Variants in REPS2 observed in about 807,000 individuals in gnomAD.
The protein encoded by REPS2 is RALBP1 associated Eps domain containing 2, also known as ralBP1-associated Eps domain-containing protein 2.
REPS2 carries 23 observed loss-of-function variants against 53.6 expected under a neutral mutation model. The ratio of observed to expected loss-of-function variants is 0.43; its 90% confidence interval spans 0.31 to 0.61. The LOEUF (loss-of-function observed/expected upper bound fraction) is 0.61, where lower values mean the gene tolerates loss of function less well. Among genes scored for constraint, REPS2 ranks in the 20% least tolerant of loss-of-function variants. The pLI is 0.11. For missense variants in REPS2, 446 were observed against 534.9 expected, an observed-to-expected ratio of 0.83 and a Z score of 1.64; for synonymous variants, 238 against 218.6, an observed-to-expected ratio of 1.09 and a Z score of -0.78.
chrX:17,017,699 T>C (rs1364095263), intron 2 of REPS2, among the ~76,000 whole-genome samples: 1 of 112,044 alleles, frequency 8.9e-6, no homozygotes, highest in Non-Finnish European at 1.9e-5. Context: ...ATTGTAATAA[T>C]AATAAAATAC....
intron 1 of REPS2, among the ~76,000 whole-genome samples, chrX:16,970,495 G>T (rs1242979736): frequency 3.6e-5 from 4 of 112,072 alleles, no homozygotes; most frequent in Non-Finnish European, 5.6e-5. Flanking sequence ...ACTGTGCCTG[G>T]CCTGTTTTCC....
At position 17,147,517 on chromosome X, in the gene REPS2, T is replaced by C. The variant is rs373350567; in HGVS notation, c.*36T>C. ...GTTCAAGTGACAGTGGGTGACCTTG[T>C]CTGCCAAGATCTTTCTTTTGAATGT... is the stretch of plus-strand genomic sequence containing the variant. On this transcript the variant is annotated 3_prime_UTR_variant, in exon 18 of 18. Transcript: ENST00000357277. The C allele has an allele frequency of 7.6e-5, 79 of 1,038,128 alleles. No homozygotes were observed. The African/African-American group carries it at 1.3e-3, about 17-fold the overall frequency. The allele number at this position is 1,038,128 out of a possible 1,213,427, so 85.6% of individuals were successfully genotyped here.
At chrX:16,994,655 G>A (rs2061208258) in intron 1 of REPS2, among the ~76,000 whole-genome samples, 1 of 111,177 alleles carries the variant, frequency 9.0e-6, no homozygotes, top group Non-Finnish European at 1.9e-5. Flanking sequence ...GGACTTTGGG[G>A]CCTCAGAGGG....
chrX:17,140,329 A>T (rs979833686), intron 17 of REPS2, among the ~76,000 whole-genome samples: 12 of 110,109 alleles, frequency 1.1e-4, no homozygotes, highest in Non-Finnish European at 2.1e-4. Context: ...TTGACATACC[A>T]TACTCTCCTG....
chrX:17,042,323 A>G (rs2061841297), intron 5 of REPS2, among the ~76,000 whole-genome samples: 3 of 111,590 alleles, frequency 2.7e-5, no homozygotes, highest in African/African-American at 9.8e-5. Flanking sequence ...CTACTTGGAA[A>G]GCTAAGGCTC....
the REPS2 span, among the ~76,000 whole-genome samples, chrX:17,173,357 G>A: frequency 4.5e-4 from 51 of 112,094 alleles, no homozygotes; most frequent in African/African-American, 1.5e-3. Flanking sequence ...GCTTCTTCCC[G>A]GCTGTTGAAT....
intron 1 of REPS2, among the ~76,000 whole-genome samples, chrX:16,959,177 C>G (rs891774104): frequency 8.9e-6 from 1 of 112,736 alleles, no homozygotes; most frequent in African/African-American, 3.2e-5. Context: ...CAGCTCACTG[C>G]AGCCTCTACT....
chrX:17,178,584 CTT>C, the REPS2 span, among the ~76,000 whole-genome samples: 1 of 111,953 alleles, frequency 8.9e-6, no homozygotes, highest in Non-Finnish European at 1.9e-5. Flanking sequence ...TTGTCTTTAA[CTT>C]TGCTACGCTA....
chrX:17,012,627 G>A (rs2061443937), intron 2 of REPS2, among the ~76,000 whole-genome samples: 1 of 110,515 alleles, frequency 9.0e-6, no homozygotes, highest in Non-Finnish European at 1.9e-5. Context: ...CTCTGATGGT[G>A]CAATGACATG....
At chrX:17,017,119 A>C (rs1309274694) in intron 2 of REPS2, among the ~76,000 whole-genome samples, 1 of 111,152 alleles carries the variant, frequency 9.0e-6, no homozygotes, top group African/African-American at 3.3e-5. Context: ...CTATAGGTGT[A>C]CACCACCATG....
At chrX:16,983,565 C>T (rs895434904) in intron 1 of REPS2, among the ~76,000 whole-genome samples, 11 of 112,231 alleles carry the variant, frequency 9.8e-5, no homozygotes, top group African/African-American at 1.9e-4. Flanking sequence ...TGCAGTGGTG[C>T]GATCTTGTCT....
the REPS2 span, among the ~76,000 whole-genome samples, chrX:17,182,557 G>A: frequency 8.9e-6 from 1 of 112,050 alleles, no homozygotes. Context: ...CAGTGAGCAT[G>A]ACAGCCAGTC....
chrX:17,011,057 CTGTGTGTGTGTGTGTGTG>C (rs60541913), intron 2 of REPS2, among the ~76,000 whole-genome samples: 14 of 102,551 alleles, frequency 1.4e-4, no homozygotes, highest in Admixed American at 3.2e-4. Flanking sequence ...TTTGCTTAAA[CTGTGTGTGTGTGTGTGTG>C]TGTGTGTGTG....
intron 13 of REPS2, among the ~76,000 whole-genome samples, chrX:17,092,573 A>C (rs2062631581): frequency 9.1e-6 from 1 of 110,031 alleles, no homozygotes; most frequent in South Asian, 4.0e-4. Flanking sequence ...GCTGATACCT[A>C]GTATCCCACT....
intron 1 of REPS2, among the ~76,000 whole-genome samples, chrX:16,985,633 T>G (rs1177462961): frequency 8.9e-6 from 1 of 112,273 alleles, no homozygotes; most frequent in Non-Finnish European, 1.9e-5. Context: ...CAGAGCAATG[T>G]GAAAGAGATA....
At chrX:17,194,297 A>G in the REPS2 span, among the ~76,000 whole-genome samples, 1 of 111,554 alleles carries the variant, frequency 9.0e-6, no homozygotes, top group Non-Finnish European at 1.9e-5. Flanking sequence ...CTCAATATAT[A>G]TTACTGATCT....
intron 14 of REPS2, among the ~76,000 whole-genome samples, chrX:17,124,799 T>TA (rs1274797792): frequency 2.5e-4 from 24 of 95,842 alleles, no homozygotes; most frequent in East Asian, 9.7e-4. Flanking sequence ...ATTGCAAACC[T>TA]AAAAAAAAAA....
chrX:17,046,455 C>T (rs760661619), intron 5 of REPS2, among the ~76,000 whole-genome samples: 1 of 111,870 alleles, frequency 8.9e-6, no homozygotes, highest in African/African-American at 3.2e-5. Context: ...GGATTACTTG[C>T]GTGAGCCACT....
chrX:16,965,694 T>C lies in REPS2; in HGVS notation c.273+18560T>C, dbSNP rs867131830. On this transcript the variant is annotated intron_variant, in intron 1 of 17. Transcript: ENST00000357277. The stretch of plus-strand genomic sequence containing the variant: ...GCGGCCGGGAAGAGGCGCTCCTCAC[T>C]TCCTAGATGGGATGGCGGCTGGGCA... 7.1e-5 allele frequency among the ~76,000 whole-genome samples: 8 copies of C among 112,667 alleles called. No homozygotes were observed. The South Asian group carries it at 1.1e-3, about 15-fold the overall frequency.
Sources: allele counts gnomAD v4.1 joint callset (sites outside exome capture counted in the v4.1 genomes callset), GRCh38; gene constraint gnomAD v4.1.1; transcripts MANE v1.5; gene names NCBI Gene and HGNC (gene_info 2026-07-23, HGNC 2026-07-21).